NOP53: variants seen among roughly 807,000 people sequenced by gnomAD.
The protein encoded by NOP53 is NOP53 ribosome biogenesis factor, also known as ribosome biogenesis protein NOP53.
NOP53 carries 40 observed loss-of-function variants against 61.0 expected under a neutral mutation model. That is an observed-to-expected ratio of 0.66 (90% CI 0.51 to 0.85). The LOEUF (loss-of-function observed/expected upper bound fraction) is 0.85, where lower values mean the gene tolerates loss of function less well. NOP53 is among the 40% of genes least tolerant of loss of function. The probability of loss-of-function intolerance (pLI) is 0.00; values close to 1 mark genes in which losing one functional copy is unlikely to be tolerated. For missense variants in NOP53, 689 were observed against 652.9 expected (o/e 1.06, Z -0.60); for synonymous variants, 308 against 289.5 (o/e 1.06, Z -0.65).
rs1163452794 is a variant in NOP53 at position 47,757,016 on chromosome 19, A to G, written c.*11A>G. ...GTCCCCAGGTTGTAGCTGCCATCAG[A>G]TGCCGGAGACTCGCCCTTCAATAAA... is the stretch of plus-strand genomic sequence containing the variant. On this transcript the variant is annotated 3_prime_UTR_variant, in exon 13 of 13. Coordinates refer to ENST00000246802, the MANE Select transcript of NOP53 (RefSeq NM_015710.5). 4 of 1,613,842 alleles carry G rather than the reference A, an allele frequency of 2.5e-6. No homozygotes were observed. The highest frequency in any genetic ancestry group is 1.1e-5 in the South Asian group (1 of 91,086).
At chr19:47,748,202 G>A (rs185880327) in intron 2 of NOP53, among the ~76,000 whole-genome samples, 2,094 of 152,108 alleles carry the variant, frequency 0.014, 25 homozygotes, top group South Asian at 0.032. Flanking sequence ...TGGGGTTATA[G>A]GCGTGAGCCG....
intron 2 of NOP53, among the ~76,000 whole-genome samples, chr19:47,749,888 C>T (rs56117216): frequency 0.016 from 2,476 of 152,204 alleles, 31 homozygotes; most frequent in South Asian, 0.039. Flanking sequence ...GAAGAGGTTC[C>T]CTGTTTGTCT....
chr19:47,747,175 T>C, intron 2 of NOP53, 144 bp downstream of exon 2: 1 of 630,510 alleles, frequency 1.6e-6, no homozygotes, highest in Non-Finnish European at 2.7e-6. Context: ...CAAGGGGACC[T>C]CAAATGGGCA....
At chr19:47,755,997 C>T (rs775813648) in intron 10 of NOP53, 175 bp downstream of exon 10, 45 of 603,520 alleles carry the variant, frequency 7.5e-5, no homozygotes, top group Middle Eastern at 6.6e-4. Context: ...GGTGAGGGGC[C>T]AGGCTAAGGT....
At chr19:47,756,006 G>GT in intron 10 of NOP53, 184 bp downstream of exon 10, 1 of 598,900 alleles carries the variant, frequency 1.7e-6, no homozygotes, top group South Asian at 2.0e-5. Context: ...CCAGGCTAAG[G>GT]TTTGAGTCCG....
rs1323163837 is a variant in NOP53 at position 47,754,268 on chromosome 19, ACT to A, written c.766-256_766-255del. On this transcript the variant is annotated intron_variant, in intron 6 of 12. Coordinates refer to ENST00000246802, the MANE Select transcript of NOP53 (RefSeq NM_015710.5). This position sits in a 1 kb window ranked among gnomAD's most constrained non-coding sequence, Gnocchi z 4.2. ...CTCCAGTCTGGGCAACAAGACAGAA[ACT>A]CTATCTCAAAAAAAAAATGTGAAGC... 8.5e-6 allele frequency: 4 copies of A among 468,492 alleles called. No homozygotes were observed. Among genetic ancestry groups the A allele is most frequent in the Admixed American group, 3.4e-5 (1 of 29,236 alleles). The allele number at this position is 468,492 out of a possible 1,614,324, so 29.0% of individuals were successfully genotyped here.
chr19:47,754,973 C>T lies in NOP53; in HGVS notation c.1053+82C>T, dbSNP rs1041020204. The stretch of plus-strand genomic sequence containing the variant: ...CTCCCACCATGGGCTGCCCTGGGTG[C>T]TGCGGGCAGCCTGCACACCCCAAGC... On this transcript the variant is annotated intron_variant, in intron 8 of 12. Coordinates refer to ENST00000246802, the MANE Select transcript of NOP53 (RefSeq NM_015710.5). This position sits in a 1 kb window ranked among gnomAD's most constrained non-coding sequence, Gnocchi z 4.2. 1.4e-5 allele frequency: 18 copies of T among 1,309,904 alleles called. No individual in the cohort carries two copies. The African/African-American group carries it at 1.7e-4, about 12-fold the overall frequency. The allele number at this position is 1,309,904 out of a possible 1,614,324, so 81.1% of individuals were successfully genotyped here. A position where few individuals can be genotyped will look rare whatever the true frequency, so the allele number is the denominator to read the frequency against.
At chr19:47,750,837 G>A (rs1008347673) in intron 3 of NOP53, 71 bp from the exon 4 acceptor site, 42 of 1,324,826 alleles carry the variant, frequency 3.2e-5, no homozygotes, top group Admixed American at 1.0e-4. Context: ...GAAGCCCGAC[G>A]GGGAGGAGGC....
Position 47,746,249 on chromosome 19 carries a change from T to G in NOP53, c.224+466T>G, listed in dbSNP as rs140502583. 1,314 of 153,778 alleles carry G rather than the reference T, an allele frequency of 8.5e-3. 21 individuals are homozygous for G. The highest frequency in any genetic ancestry group is 0.03 in the African/African-American group (1,256 of 41,588). 9.5% of individuals were successfully genotyped at this position (153,778 alleles called of 1,614,324 possible). ...ATCGCCCAGGCTGGAGTAGGCGCGATCTCAGCTCACCGCAACCTCCGCCTC... is the reference window on the plus strand; with the variant it reads ...ATCGCCCAGGCTGGAGTAGGCGCGAGCTCAGCTCACCGCAACCTCCGCCTC... On this transcript the variant is annotated intron_variant, in intron 1 of 12. Coordinates refer to ENST00000246802, the MANE Select transcript of NOP53 (RefSeq NM_015710.5).
intron 1 of NOP53, 184 bp downstream of exon 1, chr19:47,745,967 T>G: frequency 3.7e-6 from 2 of 536,466 alleles, no homozygotes; most frequent in Non-Finnish European, 6.6e-6. Flanking sequence ...GCTGGAGAGC[T>G]TGATAGAGTT....
At chr19:47,750,561 G>C (rs1967111950) in intron 3 of NOP53, among the ~76,000 whole-genome samples, 2 of 152,234 alleles carry the variant, frequency 1.3e-5, no homozygotes, top group Non-Finnish European at 2.9e-5. Context: ...GGGTCTTGGG[G>C]CATGAGCGGG....
chr19:47,745,551 T>C lies in NOP53; in HGVS notation c.-9T>C, dbSNP rs780550153. On this transcript the variant is annotated 5_prime_UTR_variant, in exon 1 of 13. Transcript: ENST00000246802. ...GGGACGCCAGTGGCTGAGTTCTTCCTTTGACAAGATGGCGGCAGGAGGCAG... is the reference window on the plus strand; with the variant it reads ...GGGACGCCAGTGGCTGAGTTCTTCCCTTGACAAGATGGCGGCAGGAGGCAG... 4.7e-5 allele frequency: 75 copies of C among 1,612,820 alleles called. No individual in the cohort carries two copies. In the South Asian group the frequency reaches 6.2e-4, roughly 13 times the overall value.
At chr19:47,746,620 GC>G (rs1368499673) in intron 1 of NOP53, 2 of 178,864 alleles carry the variant, frequency 1.1e-5, no homozygotes, top group South Asian at 1.1e-4. Flanking sequence ...ACCCGCCCCG[GC>G]CCCCTAAGGT....
At chr19:47,756,048 T>C in intron 10 of NOP53, 1 of 576,796 alleles carries the variant, frequency 1.7e-6, no homozygotes. Flanking sequence ...TTCCAGCTGG[T>C]CCCTGTTGCA....
chr19:47,752,171 T>C (rs1967132326), intron 5 of NOP53, among the ~76,000 whole-genome samples: 1 of 151,566 alleles, frequency 6.6e-6, no homozygotes, highest in Non-Finnish European at 1.5e-5. Context: ...GTGGGGAGAA[T>C]GTAAAGAGGT....
intron 12 of NOP53, 124 bp from the exon 13 acceptor site, chr19:47,756,875 G>T (rs1431695125): frequency 8.6e-6 from 13 of 1,515,714 alleles, no homozygotes; most frequent in Non-Finnish European, 1.2e-5. Context: ...CCCAGAAGAG[G>T]CCCTGAAACC....
At position 47,745,691 on chromosome 19, in the gene NOP53, G is replaced by C. The variant is rs769884573; in HGVS notation, c.132G>C (p.Lys44Asn). Residue 44 changes from lysine to asparagine, a missense_variant, in exon 1 of 13, where the codon AAG becomes AAC. Coordinates refer to ENST00000246802, the MANE Select transcript of NOP53 (RefSeq NM_015710.5). ...LRRRRRGPRN[K>N]KRGWRRLAQE... Reference sequence around the variant, plus strand: ...GGCGGCGGCGAGGCCCAAGAAATAAGAAGCGGGGCTGGCGGCGGCTTGCTC... The same window carrying C: ...GGCGGCGGCGAGGCCCAAGAAATAACAAGCGGGGCTGGCGGCGGCTTGCTC... 4 of 1,612,920 alleles carry C rather than the reference G, an allele frequency of 2.5e-6. No homozygotes were observed. In the Admixed American group the frequency reaches 6.7e-5, roughly 27 times the overall value.
chr19:47,754,706 C>T lies in NOP53; in HGVS notation c.871-3C>T, dbSNP rs562702683. 14 of 1,534,370 alleles carry T rather than the reference C, an allele frequency of 9.1e-6. No individual in the cohort carries two copies. The South Asian group carries it at 1.6e-4, about 17-fold the overall frequency. On this transcript the variant is annotated splice_polypyrimidine_tract_variant and splice_region_variant and intron_variant, in intron 7 of 12. Coordinates refer to ENST00000246802, the MANE Select transcript of NOP53 (RefSeq NM_015710.5). The surrounding 1 kb of genome is among the most constrained non-coding windows in gnomAD (Gnocchi z 4.2). The stretch of plus-strand genomic sequence containing the variant: ...CCCCTGACACTGCACCCCGCCTCCC[C>T]AGGAGTCCACATTCCAGGAGCTGTG...
chr19:47,755,469 G>T lies in NOP53; in HGVS notation c.1175G>T (p.Arg392Leu), dbSNP rs1379479561. 3 of 1,491,980 alleles carry T rather than the reference G, an allele frequency of 2.0e-6. No individual in the cohort carries two copies. Among genetic ancestry groups the T allele is most frequent in the Non-Finnish European group, 2.7e-6 (3 of 1,125,546 alleles). The allele number at this position is 1,491,980 out of a possible 1,614,324, so 92.4% of individuals were successfully genotyped here. A position where few individuals can be genotyped will look rare whatever the true frequency, so the allele number is the denominator to read the frequency against. Residue 392 changes from arginine to leucine, a missense_variant, in exon 9 of 13, where the codon CGG becomes CTG. Coordinates refer to ENST00000246802, the MANE Select transcript of NOP53 (RefSeq NM_015710.5). ...GAGCTGGCGCGGCGGCAGAGGCGGCGGCAGGCGCGGCGGGAGGCTGAGGCT... is the reference window on the plus strand; with the variant it reads ...GAGCTGGCGCGGCGGCAGAGGCGGCTGCAGGCGCGGCGGGAGGCTGAGGCT... ...LAELARRQRR[R>L]QARREAEADK... is the part of the protein sequence containing the mutation.
Sources: gnomAD v4.1 joint callset for allele counts (sites outside exome capture counted in the v4.1 genomes callset) on GRCh38, gnomAD v4.1.1 for gene constraint, Gnocchi (gnomAD v3.1) non-coding constraint, MANE v1.5 for transcripts, NCBI Gene and HGNC (gene_info 2026-07-23, HGNC 2026-07-21) for gene names.